The following DOCK10 variants were observed in gnomAD, a reference collection of about 807,000 sequenced individuals.
The protein encoded by DOCK10 is dedicator of cytokinesis protein 10.
DOCK10 carries 145 observed loss-of-function variants against 280.1 expected under a neutral mutation model. The ratio of observed to expected loss-of-function variants is 0.52; its 90% CI spans 0.45 to 0.59. The LOEUF (loss-of-function observed/expected upper bound fraction) is 0.59. Among genes scored for constraint, DOCK10 ranks in the 20% least tolerant of loss-of-function variants. DOCK10 has a pLI of 0.00. For synonymous variants in DOCK10, 915 were observed against 942.2 expected (o/e 0.97, Z 0.53); for missense variants, 2,368 against 2,651.7 (o/e 0.89, Z 2.35).
At chr2:224,818,398 CTTT>C (rs386392783) in intron 29 of DOCK10, among the ~76,000 whole-genome samples, 1 of 126,426 alleles carries the variant, frequency 7.9e-6, no homozygotes. Flanking sequence ...TGGCCCCTGC[CTTT>C]TTTTTTTTTT....
chr2:224,953,714 C>T (rs890273302), intron 1 of DOCK10, among the ~76,000 whole-genome samples: 9 of 152,066 alleles, frequency 5.9e-5, no homozygotes, highest in Non-Finnish European at 1.0e-4. Flanking sequence ...GCGGTTTTTG[C>T]GATTATTTTT....
intron 13 of DOCK10, 91 bp downstream of exon 13, chr2:224,864,462 A>T (rs1697733125): frequency 2.4e-6 from 3 of 1,268,648 alleles, no homozygotes; most frequent in Non-Finnish European, 3.2e-6. Flanking sequence ...GTGAGCTGCG[A>T]TTGTGCCACT....
rs780413791 is a variant in DOCK10, at chr2:224,865,092, A to G, written c.1258-5T>C. On this transcript the variant is annotated splice_polypyrimidine_tract_variant and splice_region_variant and intron_variant, in intron 11 of 55. Coordinates refer to ENST00000258390, the MANE Select transcript of DOCK10 (RefSeq NM_014689.3). Reference sequence around the variant, plus strand: ...ACTCACAAAAAAAGGCTCAATCTGCATGAAAAAGAAAGAACAGATGTTTTT... The same window carrying G: ...ACTCACAAAAAAAGGCTCAATCTGCGTGAAAAAGAAAGAACAGATGTTTTT... The G allele has an allele frequency of 6.2e-7, 1 of 1,612,454 alleles. No homozygotes were observed. The highest frequency in any genetic ancestry group is 8.5e-7 in the Non-Finnish European group (1 of 1,179,306).
chr2:224,916,552 A>G, intron 3 of DOCK10, 143 bp downstream of exon 3: 6 of 574,728 alleles, frequency 1.0e-5, no homozygotes, highest in Non-Finnish European at 1.5e-5. Context: ...AAAAAAAAAA[A>G]AAAAAAAAAA....
chr2:224,773,485 G>A (rs960438228), intron 52 of DOCK10, 138 bp from the exon 53 acceptor site: 7 of 755,648 alleles, frequency 9.3e-6, no homozygotes, highest in African/African-American at 8.8e-5. Context: ...ATGCATGGGA[G>A]TTACTTTTTC....
chr2:224,770,614 G>T lies in DOCK10; in HGVS notation c.6236C>A (p.Ala2079Asp). 1 of 1,613,924 alleles carries T rather than the reference G, an allele frequency of 6.2e-7. No individual in the cohort carries two copies. The highest frequency in any genetic ancestry group is 8.5e-7 in the Non-Finnish European group (1 of 1,179,806). Residue 2079 changes from alanine (A) to aspartate (D), a missense_variant, in exon 54 of 56, where the codon GCT becomes GAT. Transcript: ENST00000258390. This position sits in a 1 kb window ranked among gnomAD's most constrained non-coding sequence, Gnocchi z 4.5. Reference sequence around the variant, plus strand: ...CTTTGCATTGGTTTCTTCAAGAAAAGCTCGTGCATAGGCCATTGGCCCAGC... The same window carrying T: ...CTTTGCATTGGTTTCTTCAAGAAAATCTCGTGCATAGGCCATTGGCCCAGC... ...VNAGPMAYAR[A>D]FLEETNAKKY... is the part of the protein sequence containing the mutation.
At chr2:224,804,269 AAATG>A in intron 38 of DOCK10, 56 bp from the exon 39 acceptor site, 1 of 1,010,584 alleles carries the variant, frequency 9.9e-7, no homozygotes, top group South Asian at 1.4e-5. Context: ...TTACATATAA[AAATG>A]AATGGCAACT....
At chr2:224,828,084 G>A (rs966500030) in intron 27 of DOCK10, among the ~76,000 whole-genome samples, 4 of 152,208 alleles carry the variant, frequency 2.6e-5, no homozygotes, top group East Asian at 3.8e-4. Flanking sequence ...GAGTTGTCCC[G>A]CCTCTCCTTC....
chr2:224,891,964 T>A (rs13388622), intron 4 of DOCK10, among the ~76,000 whole-genome samples: 35,976 of 152,106 alleles, frequency 0.24, 5,854 homozygotes, highest in African/African-American at 0.47. Context: ...ATTACCTGGC[T>A]CCCAGAAGAG....
rs146365057 is a variant in DOCK10, at chr2:225,004,257, G to C, written c.123+37995C>G. On this transcript the variant is annotated intron_variant, in intron 1 of 55. Coordinates refer to ENST00000258390, the MANE Select transcript of DOCK10 (RefSeq NM_014689.3). ...CAATGAAAAGTGTTCTTATGAGATA[G>C]CAGAGGAAAAGACACAGAGAGAAAA... Among the ~76,000 whole-genome samples, 765 of 152,336 alleles carry C rather than the reference G, an allele frequency of 5.0e-3. 5 individuals are homozygous for C. The highest frequency in any genetic ancestry group is 0.018 in the African/African-American group (735 of 41,578).
At chr2:225,025,551 A>G (rs1226552116) in intron 1 of DOCK10, among the ~76,000 whole-genome samples, 1 of 152,226 alleles carries the variant, frequency 6.6e-6, no homozygotes, top group Non-Finnish European at 1.5e-5. Flanking sequence ...ATTTTAAAAA[A>G]TAAAGAAATC....
intron 33 of DOCK10, 55 bp downstream of exon 33, chr2:224,807,612 TA>T: frequency 7.8e-7 from 1 of 1,278,006 alleles, no homozygotes. Flanking sequence ...AAAAAATAAT[TA>T]AAAAAAGACA....
intron 3 of DOCK10, among the ~76,000 whole-genome samples, chr2:224,899,630 C>A (rs959784679): frequency 6.6e-6 from 1 of 151,964 alleles, no homozygotes; most frequent in Non-Finnish European, 1.5e-5. Context: ...GAGACTTGAG[C>A]AAAGATGTAA....
chr2:224,769,696 G>A (rs1239513066), intron 55 of DOCK10, among the ~76,000 whole-genome samples: 25 of 152,208 alleles, frequency 1.6e-4, no homozygotes, highest in Admixed American at 1.6e-3. Context: ...TGACTTGCTT[G>A]TGGGGTGGGT....
chr2:224,877,828 A>G lies in DOCK10; in HGVS notation c.748-1607T>C, dbSNP rs1215268264. 2.0e-5 allele frequency among the ~76,000 whole-genome samples: 3 copies of G among 152,210 alleles called. No individual in the cohort carries two copies. The East Asian group carries it at 5.8e-4, about 29-fold the overall frequency. On this transcript the variant is annotated intron_variant, in intron 7 of 55. Coordinates refer to ENST00000258390, the MANE Select transcript of DOCK10 (RefSeq NM_014689.3). ...AAAGTGGAAACTTTCCCCTAGTGACACAAACTAGTGTTATTTAAGGGGGTG... is the reference window on the plus strand; with the variant it reads ...AAAGTGGAAACTTTCCCCTAGTGACGCAAACTAGTGTTATTTAAGGGGGTG...
At chr2:224,909,067 A>T (rs1430491521) in intron 3 of DOCK10, among the ~76,000 whole-genome samples, 5 of 152,234 alleles carry the variant, frequency 3.3e-5, no homozygotes, top group Non-Finnish European at 7.4e-5. Context: ...TTGCTCCCTC[A>T]TCTCCTTTTG....
At chr2:225,009,000 G>A (rs1367846310) in intron 1 of DOCK10, among the ~76,000 whole-genome samples, 1 of 152,110 alleles carries the variant, frequency 6.6e-6, no homozygotes, top group Non-Finnish European at 1.5e-5. Flanking sequence ...TAAGATGAAG[G>A]CTCTACTGGT....
chr2:224,966,890 C>T (rs1213741420), intron 1 of DOCK10, among the ~76,000 whole-genome samples: 2 of 149,096 alleles, frequency 1.3e-5, no homozygotes, highest in Non-Finnish European at 1.5e-5. Context: ...AGCAGGTACT[C>T]AGATGAAAAA....
intron 2 of DOCK10, among the ~76,000 whole-genome samples, chr2:224,925,830 A>C (rs1246711137): frequency 1.3e-5 from 2 of 152,136 alleles, no homozygotes; most frequent in African/African-American, 4.8e-5. Context: ...GACTTTCTCA[A>C]CTTTTTTTCT....
Sources: allele counts gnomAD v4.1 joint callset (sites outside exome capture counted in the v4.1 genomes callset), GRCh38; gene constraint gnomAD v4.1.1; non-coding constraint Gnocchi (gnomAD v3.1); transcripts MANE v1.5; gene names NCBI Gene and HGNC (gene_info 2026-07-23, HGNC 2026-07-21).